Variants in NEMP2 observed in about 807,000 individuals in gnomAD.
NEMP2 encodes the protein UPF0571 transmembrane protein.
In NEMP2, 53 loss-of-function variants were observed where a neutral mutation model predicts 54.2. The ratio of observed to expected loss-of-function variants is 0.98; its 90% CI spans 0.78 to 1.23. The LOEUF is 1.23. NEMP2 is among the 50% of genes most tolerant of loss of function. The pLI is 0.00. For synonymous variants in NEMP2, 197 were observed against 190.3 expected, an observed-to-expected ratio of 1.04 and a Z score of -0.29; for missense variants, 455 against 511.3, an observed-to-expected ratio of 0.89 and a Z score of 1.06.
At position 190,519,103 on chromosome 2, in the gene NEMP2, T is replaced by A. The variant is rs762985393; in HGVS notation, c.294A>T (p.Leu98=). The A allele has an allele frequency of 8.4e-6, 13 of 1,551,030 alleles. No homozygotes were observed. The highest frequency in any genetic ancestry group is 1.1e-5 in the Non-Finnish European group (13 of 1,146,854). The stretch of plus-strand genomic sequence containing the variant: ...TATGAATCACACATTTGATAAAAGA[T>A]AGAATGTTTTCTGGATATTGGCAAT... ...RHNCQYPENI[L]SFIKCVIHNF... is the part of the protein sequence containing the mutation. Residue 98 remains leucine (L), a synonymous_variant, in exon 3 of 9, where the codon CTA becomes CTT. Coordinates refer to ENST00000409150, the MANE Select transcript of NEMP2 (RefSeq NM_001142645.2). This position sits in a 1 kb window ranked among gnomAD's most constrained non-coding sequence, Gnocchi z 5.4.
the NEMP2 span, among the ~76,000 whole-genome samples, chr2:190,632,530 T>G: frequency 6.6e-6 from 1 of 152,390 alleles, no homozygotes; most frequent in Non-Finnish European, 1.5e-5. This position sits in a 1 kb window ranked among gnomAD's most constrained non-coding sequence, Gnocchi z 4.8. Context: ...CTCATTACTG[T>G]TCTCTGATAA....
the NEMP2 span, among the ~76,000 whole-genome samples, chr2:190,629,002 A>T: frequency 6.6e-6 from 1 of 152,250 alleles, no homozygotes; most frequent in Admixed American, 6.5e-5. Context: ...AACTCAATTA[A>T]GAACCCAGAA....
rs1031478304 is a variant in NEMP2, at chr2:190,521,663, G to A, written c.214-2480C>T. ...TTCTCCCTTTAATCCACTTCAATCA[G>A]GATTTCATTCCTAAAAGGCCACCCT... On this transcript the variant is annotated intron_variant, in intron 2 of 8. Transcript: ENST00000409150. The surrounding 1 kb of genome is among the most constrained non-coding windows in gnomAD (Gnocchi z 6.2). Among the ~76,000 whole-genome samples the A allele has an allele frequency of 1.3e-5, 2 of 152,122 alleles. No individual in the cohort carries two copies. The highest frequency in any genetic ancestry group is 1.3e-4 in the Admixed American group (2 of 15,260).
chr2:190,432,477 C>G, the NEMP2 span, among the ~76,000 whole-genome samples: 1 of 152,126 alleles, frequency 6.6e-6, no homozygotes, highest in East Asian at 1.9e-4. Context: ...AATGCAGTGG[C>G]GTGATCTCGG....
the NEMP2 span, among the ~76,000 whole-genome samples, chr2:190,486,408 A>G: frequency 2.0e-5 from 3 of 152,198 alleles, no homozygotes; most frequent in African/African-American, 4.8e-5. Flanking sequence ...CTATGATGCT[A>G]TCTCCTCTCT....
In NEMP2 at chr2:190,530,976, C is replaced by T. The variant is rs1460543234; in HGVS notation, c.97+3583G>A. Reference sequence around the variant, plus strand: ...GCCAGGAATTTGAGACCAGCCTGGGCAATATGGTGAAACCCTGTCTTTACC... The same window carrying T: ...GCCAGGAATTTGAGACCAGCCTGGGTAATATGGTGAAACCCTGTCTTTACC... On this transcript the variant is annotated intron_variant, in intron 1 of 8. Coordinates refer to ENST00000409150, the MANE Select transcript of NEMP2 (RefSeq NM_001142645.2). This position sits in a 1 kb window ranked among gnomAD's most constrained non-coding sequence, Gnocchi z 4.6. Among the ~76,000 whole-genome samples the T allele has an allele frequency of 1.3e-5, 2 of 152,070 alleles. No homozygotes were observed. Among genetic ancestry groups the T allele is most frequent in the East Asian group, 1.9e-4 (1 of 5,194 alleles).
the NEMP2 span, among the ~76,000 whole-genome samples, chr2:190,448,487 G>T: frequency 1.3e-5 from 2 of 152,138 alleles, no homozygotes; most frequent in Non-Finnish European, 2.9e-5. Flanking sequence ...GGGGTTAAAA[G>T]AAATAGACTA....
At chr2:190,614,700 G>T in the NEMP2 span, among the ~76,000 whole-genome samples, 1 of 152,204 alleles carries the variant, frequency 6.6e-6, no homozygotes, top group African/African-American at 2.4e-5. The surrounding 1 kb of genome is among the most constrained non-coding windows in gnomAD (Gnocchi z 5.7). Context: ...ACACAAGGGG[G>T]AGTGCATTTA....
chr2:190,562,590 C>T, the NEMP2 span, among the ~76,000 whole-genome samples: 1 of 152,194 alleles, frequency 6.6e-6, no homozygotes, highest in East Asian at 1.9e-4. This position sits in a 1 kb window ranked among gnomAD's most constrained non-coding sequence, Gnocchi z 5.0. Context: ...CTTTTAAGCT[C>T]TCTAAGTATC....
chr2:190,639,289 C>T, the NEMP2 span, among the ~76,000 whole-genome samples: 1 of 152,000 alleles, frequency 6.6e-6, no homozygotes, highest in Non-Finnish European at 1.5e-5. Flanking sequence ...TACCATGTGT[C>T]AGATGGTAGA....
chr2:190,463,111 G>A, the NEMP2 span, among the ~76,000 whole-genome samples: 1 of 152,176 alleles, frequency 6.6e-6, no homozygotes, highest in African/African-American at 2.4e-5. The surrounding 1 kb of genome is among the most constrained non-coding windows in gnomAD (Gnocchi z 4.4). Context: ...ACCCTATTCT[G>A]CTAGTGAGGG....
At chr2:190,568,649 C>G in the NEMP2 span, among the ~76,000 whole-genome samples, 4 of 152,046 alleles carry the variant, frequency 2.6e-5, no homozygotes, top group African/African-American at 9.7e-5. This position sits in a 1 kb window ranked among gnomAD's most constrained non-coding sequence, Gnocchi z 4.7. Flanking sequence ...ATGGAGAAAC[C>G]CCGTCTCTAC....
the NEMP2 span, among the ~76,000 whole-genome samples, chr2:190,574,743 C>G: frequency 6.8e-6 from 1 of 146,306 alleles, no homozygotes; most frequent in Non-Finnish European, 1.5e-5. Flanking sequence ...CTTTCTCTTC[C>G]TTTCTTTTCT....
intron 6 of NEMP2, among the ~76,000 whole-genome samples, chr2:190,515,926 T>C (rs1410924922): frequency 6.6e-6 from 1 of 152,200 alleles, no homozygotes; most frequent in Non-Finnish European, 1.5e-5. Context: ...AAACAGCCAC[T>C]TTTCAGAGAA....
At chr2:190,591,121 G>A in the NEMP2 span, among the ~76,000 whole-genome samples, 1 of 152,108 alleles carries the variant, frequency 6.6e-6, no homozygotes, top group African/African-American at 2.4e-5. This position sits in a 1 kb window ranked among gnomAD's most constrained non-coding sequence, Gnocchi z 5.4. Context: ...GGCACTATTT[G>A]TTCCCCCCTT....
the NEMP2 span, among the ~76,000 whole-genome samples, chr2:190,498,188 A>G: frequency 6.6e-6 from 1 of 152,192 alleles, no homozygotes; most frequent in East Asian, 1.9e-4. The surrounding 1 kb of genome is among the most constrained non-coding windows in gnomAD (Gnocchi z 5.9). Context: ...CCTGAAAAAT[A>G]AGTCTAAAAG....
chr2:190,460,032 T>C, the NEMP2 span, among the ~76,000 whole-genome samples: 3 of 152,224 alleles, frequency 2.0e-5, no homozygotes, highest in East Asian at 1.9e-4. Flanking sequence ...TCAGCTATGC[T>C]GTGGGACTAC....
rs751926228 is a variant in NEMP2, at chr2:190,518,828, C to T, written c.446-20G>A. ...CCATGACTGGAGTAAAAAAGACACA[C>T]AAACACATAACAAAGATTTTTTATC... On this transcript the variant is annotated intron_variant, in intron 3 of 8. Transcript: ENST00000409150. The T allele has an allele frequency of 2.0e-6, 3 of 1,533,664 alleles. No homozygotes were observed. The highest frequency in any genetic ancestry group is 1.8e-6 in the Non-Finnish European group (2 of 1,142,058).
chr2:190,437,338 G>A, the NEMP2 span: 1 of 1,614,256 alleles, frequency 6.2e-7, no homozygotes, highest in Non-Finnish European at 8.5e-7. This position sits in a 1 kb window ranked among gnomAD's most constrained non-coding sequence, Gnocchi z 5.9. Flanking sequence ...CAACTTTTGG[G>A]ACTTAATCAA....
Sources: gnomAD v4.1 joint callset for allele counts (sites outside exome capture counted in the v4.1 genomes callset) on GRCh38, gnomAD v4.1.1 for gene constraint, Gnocchi (gnomAD v3.1) non-coding constraint, MANE v1.5 for transcripts, NCBI Gene and HGNC (gene_info 2026-07-23, HGNC 2026-07-21) for gene names.